The following ITPR2 variants were observed in gnomAD, a reference collection of about 807,000 sequenced individuals.
ITPR2 encodes the protein inositol 1,4,5-trisphosphate receptor type 2.
Under a neutral mutation model 317.1 loss-of-function variants are expected in ITPR2, and 207 were observed. The ratio of observed to expected loss-of-function variants is 0.65; its 90% CI spans 0.58 to 0.73. The LOEUF (loss-of-function observed/expected upper bound fraction) is 0.73. ITPR2 is among the 30% of genes least tolerant of loss of function. The pLI is 0.00. For synonymous variants in ITPR2, 1,156 were observed against 1,149.1 expected, an observed-to-expected ratio of 1.01 and a Z score of -0.12; for missense variants, 2,613 against 3,284.0, an observed-to-expected ratio of 0.80 and a Z score of 4.99.
At chr12:26,514,952 G>C (rs1306739550) in intron 37 of ITPR2, among the ~76,000 whole-genome samples, 1 of 152,152 alleles carries the variant, frequency 6.6e-6, no homozygotes, top group African/African-American at 2.4e-5. Flanking sequence ...GATCAGAATA[G>C]TATCTATGTA....
chr12:26,738,177 G>C (rs117490065), intron 2 of ITPR2, among the ~76,000 whole-genome samples: 1 of 152,270 alleles, frequency 6.6e-6, no homozygotes, highest in Non-Finnish European at 1.5e-5. Flanking sequence ...CATGAAACTG[G>C]AAATTTTAAA....
At chr12:26,415,866 T>C (rs560575313) in intron 50 of ITPR2, among the ~76,000 whole-genome samples, 1 of 152,306 alleles carries the variant, frequency 6.6e-6, no homozygotes, top group Admixed American at 6.5e-5. Flanking sequence ...TTGGTCTTAC[T>C]GATATTCTGC....
rs1951085522 is a variant in ITPR2 at position 26,830,625 on chromosome 12, C to A, written c.92+2065G>T. On this transcript the variant is annotated intron_variant, in intron 1 of 56. Transcript: ENST00000381340. ...TCCACAACTGTCAAACTTGTAGCTT[C>A]CTGATATGCCATCTATATAGTCCTT... Among the ~76,000 whole-genome samples, 5 of 152,198 alleles carry A rather than the reference C, an allele frequency of 3.3e-5. 1 individual carries two copies. In the South Asian group the frequency reaches 1.0e-3, roughly 32 times the overall value.
At chr12:26,739,187 A>G (rs1447688678) in intron 2 of ITPR2, among the ~76,000 whole-genome samples, 1 of 152,220 alleles carries the variant, frequency 6.6e-6, no homozygotes, top group Admixed American at 6.5e-5. Flanking sequence ...GAGCAACTGG[A>G]ATGCTCATAC....
intron 55 of ITPR2, among the ~76,000 whole-genome samples, chr12:26,341,133 T>C (rs1938099252): frequency 6.6e-6 from 1 of 152,288 alleles, no homozygotes; most frequent in South Asian, 2.1e-4. Flanking sequence ...CTCTGCAAGG[T>C]AAATCATGTG....
chr12:26,617,650 AGGAGGGACGGAG>A (rs1199042662), intron 26 of ITPR2, among the ~76,000 whole-genome samples: 4 of 143,780 alleles, frequency 2.8e-5, no homozygotes, highest in Non-Finnish European at 6.2e-5. Context: ...AAGAAAAGAA[AGGAGGGACGGAG>A]GGAGGGAAGG....
rs141198758 is a variant in ITPR2 at position 26,510,112 on chromosome 12, A to C, written c.5074-14852T>G. On this transcript the variant is annotated intron_variant, in intron 37 of 56. Coordinates refer to ENST00000381340, the MANE Select transcript of ITPR2 (RefSeq NM_002223.4). ...AAGAGACATTCAAAATGTTGCTCTC[A>C]TCATAAGCTTTATAGCAAACCTCAA... 4.3e-4 allele frequency among the ~76,000 whole-genome samples: 66 copies of C among 152,124 alleles called. 2 individuals are homozygous for C. Among genetic ancestry groups the C allele is most frequent in the African/African-American group, 1.4e-3 (60 of 41,502 alleles).
intron 26 of ITPR2, among the ~76,000 whole-genome samples, chr12:26,611,167 G>C (rs3782295): frequency 0.16 from 24,156 of 152,172 alleles, 2,182 homozygotes; most frequent in Admixed American, 0.2. Context: ...CTCTGCTGAG[G>C]GGAAGAAGCC....
rs547961398 is a variant in ITPR2, at chr12:26,426,588, A to G, written c.6945+1325T>C. Among the ~76,000 whole-genome samples, 46 of 152,264 alleles carry G rather than the reference A, an allele frequency of 3.0e-4. No homozygotes were observed. The South Asian group carries it at 9.1e-3, about 30-fold the overall frequency. On this transcript the variant is annotated intron_variant, in intron 49 of 56. Coordinates refer to ENST00000381340, the MANE Select transcript of ITPR2 (RefSeq NM_002223.4). Reference sequence around the variant, plus strand: ...ATTTTACAAAATTCTTTACTGATAGACTTCTTTGTAGGTATAGTACACTTC... The same window carrying G: ...ATTTTACAAAATTCTTTACTGATAGGCTTCTTTGTAGGTATAGTACACTTC...
At chr12:26,679,957 G>C (rs1001551980) in intron 13 of ITPR2, among the ~76,000 whole-genome samples, 23 of 151,812 alleles carry the variant, frequency 1.5e-4, no homozygotes, top group Non-Finnish European at 8.8e-5. Flanking sequence ...ATATGCAAAT[G>C]TTTATATAAT....
At chr12:26,830,105 T>C (rs1430061333) in intron 1 of ITPR2, among the ~76,000 whole-genome samples, 2 of 152,236 alleles carry the variant, frequency 1.3e-5, no homozygotes, top group Non-Finnish European at 2.9e-5. Context: ...GGTTTCCCCA[T>C]GTTGGCCAGG....
chr12:26,364,681 G>A (rs1286893324), intron 55 of ITPR2, among the ~76,000 whole-genome samples: 2 of 152,028 alleles, frequency 1.3e-5, no homozygotes, highest in African/African-American at 2.4e-5. Context: ...ATAATCTGGC[G>A]TCTCAGGGAA....
rs776116666 is a variant in ITPR2 at position 26,621,148 on chromosome 12, A to G, written c.3437T>C (p.Val1146Ala). Residue 1146 changes from valine to alanine, a missense_variant, in exon 26 of 57, where the codon GTG becomes GCG. Val to Ala is a moderately conservative substitution (Grantham distance 64). Around this residue, in one of 9 missense-constraint regions of ITPR2, gnomAD observed 817 missense variants for 897.6 expected, o/e 0.91. Transcript: ENST00000381340. ...CTCAATTGGCTCTTCACCACCTTTC[A>G]CTTGACTTTCCCCTATTTCTCCATT... Reference protein sequence around the residue: ...YENGEIGESQVKGGEEPIEES... With the variant: ...YENGEIGESQAKGGEEPIEES... 6 of 1,613,336 alleles carry G rather than the reference A, an allele frequency of 3.7e-6. No homozygotes were observed. Among genetic ancestry groups the G allele is most frequent in the Non-Finnish European group, 5.1e-6 (6 of 1,179,690 alleles).
intron 37 of ITPR2, among the ~76,000 whole-genome samples, chr12:26,509,958 T>TTTTGTGTGTGTGTG (rs1247091708): frequency 3.8e-5 from 2 of 53,262 alleles, no homozygotes; most frequent in East Asian, 1.2e-3. Context: ...GATAAGGGTT[T>TTTTGTGTGTGTGTG]TGTGTGTGTG....
At chr12:26,586,633 T>C (rs1194123575) in intron 32 of ITPR2, among the ~76,000 whole-genome samples, 1 of 152,184 alleles carries the variant, frequency 6.6e-6, no homozygotes, top group Non-Finnish European at 1.5e-5. Context: ...ATTATGTGAG[T>C]TCATTTCACC....
chr12:26,348,378 C>T (rs555916943), intron 55 of ITPR2, among the ~76,000 whole-genome samples: 43 of 152,278 alleles, frequency 2.8e-4, no homozygotes, highest in African/African-American at 1.0e-3. Context: ...CACCTCTGCT[C>T]GATTTCAGTA....
At chr12:26,764,315 A>G (rs1389783273) in intron 2 of ITPR2, among the ~76,000 whole-genome samples, 1 of 152,082 alleles carries the variant, frequency 6.6e-6, no homozygotes, top group Non-Finnish European at 1.5e-5. Flanking sequence ...TAGATACAAT[A>G]CCAAAGGCAC....
At chr12:26,531,397 C>T (rs1468261877) in intron 37 of ITPR2, among the ~76,000 whole-genome samples, 1 of 152,290 alleles carries the variant, frequency 6.6e-6, no homozygotes, top group South Asian at 2.1e-4. Flanking sequence ...GTGTAATAAA[C>T]TGGAGCAGAA....
Position 26,400,117 on chromosome 12 carries a change from C to T in ITPR2, c.7530+11G>A. On this transcript the variant is annotated intron_variant, in intron 53 of 56. Coordinates refer to ENST00000381340, the MANE Select transcript of ITPR2 (RefSeq NM_002223.4). ...TGTGCTCCTTGAAAAAATACTTTTA[C>T]TCTGGCTTACATCTTTCGATGGCCT... is the stretch of plus-strand genomic sequence containing the variant. The T allele has an allele frequency of 1.3e-6, 2 of 1,590,714 alleles. No individual in the cohort carries two copies. The highest frequency in any genetic ancestry group is 1.7e-6 in the Non-Finnish European group (2 of 1,170,264).
Sources: gnomAD v4.1 joint callset for allele counts (sites outside exome capture counted in the v4.1 genomes callset) on GRCh38, gnomAD v4.1.1 for gene constraint, gnomAD v4.1.1 regional missense constraint, MANE v1.5 for transcripts, NCBI Gene and HGNC (gene_info 2026-07-23, HGNC 2026-07-21) for gene names.